Variants in NBPF15 observed in about 807,000 individuals in gnomAD.
The protein encoded by NBPF15 is NBPF member 15.
In NBPF15, 74 loss-of-function variants were observed where a neutral mutation model predicts 62.2. That is an observed-to-expected ratio of 1.19 (90% CI 0.99 to 1.44). The LOEUF is 1.44. NBPF15 is among the 40% of genes most tolerant of loss of function. The pLI is 0.00. For synonymous variants in NBPF15, 244 were observed against 209.7 expected, an observed-to-expected ratio of 1.16 and a Z score of -1.41; for missense variants, 790 against 550.0, an observed-to-expected ratio of 1.44 and a Z score of -4.36.
At chr1:144,423,819 T>G (rs1417677264) in intron 21 of NBPF15, 51 bp downstream of exon 21, 19 of 751,626 alleles carry the variant, frequency 2.5e-5, no homozygotes, top group African/African-American at 5.1e-5. Flanking sequence ...CTGAATCTGT[T>G]GCCTCCAGGT....
chr1:144,435,647 C>G lies in NBPF15; in HGVS notation c.566+134G>C. On this transcript the variant is annotated intron_variant, in intron 11 of 21. Coordinates refer to ENST00000581897, the MANE Select transcript of NBPF15 (RefSeq NM_001385408.1). ...ACAGCTGCCGCACCCTGTGTCTAAG[C>G]TGGGTTATATTTCACATACTGTGGC... 3 of 1,544,328 alleles carry G rather than the reference C, an allele frequency of 1.9e-6. No homozygotes were observed. In the South Asian group the frequency reaches 3.4e-5, roughly 17 times the overall value.
rs2102214830 is a variant in NBPF15, at chr1:144,439,882, T to C, written c.122A>G (p.Lys41Arg). Residue 41 changes from lysine (K) to arginine (R), a missense_variant, in exon 8 of 22, where the codon AAA (lysine) becomes AGA (arginine). By Grantham distance (26) the Lys-to-Arg change is conservative (BLOSUM62 2). Transcript: ENST00000581897. ...GCCGGCCAGTTGAGTTAGAAAACAT[T>C]TCTCTTTGAGGTTTCTGAACTGCTG... Reference protein sequence around the residue: ...KKQQFRNLKEKCFLTQLAGFL... With the variant: ...KKQQFRNLKERCFLTQLAGFL... 3 of 1,611,040 alleles carry C rather than the reference T, an allele frequency of 1.9e-6. No homozygotes were observed. Among genetic ancestry groups the C allele is most frequent in the Non-Finnish European group, 8.5e-7 (1 of 1,179,006 alleles).
At chr1:144,425,088 A>G (rs1368556503) in intron 19 of NBPF15, among the ~76,000 whole-genome samples, 181 of 147,250 alleles carry the variant, frequency 1.2e-3, no homozygotes, top group African/African-American at 4.5e-3. Flanking sequence ...ACACACACAC[A>G]CACACACACA....
At chr1:144,440,354 C>T (rs1681845273) in intron 6 of NBPF15, 59 bp from the exon 7 acceptor site, 2 of 980,092 alleles carry the variant, frequency 2.0e-6, no homozygotes, top group Non-Finnish European at 2.9e-6. Context: ...AGGAGCCCTG[C>T]ATTCCAATTG....
intron 9 of NBPF15, 102 bp from the exon 10 acceptor site, chr1:144,437,211 C>T (rs76733202): frequency 3.2e-5 from 39 of 1,228,824 alleles, no homozygotes; most frequent in Admixed American, 5.1e-5. Flanking sequence ...AAGGAGACCT[C>T]GAAGCAGAAG....
At chr1:144,432,311 C>A (rs9438164) in intron 13 of NBPF15, among the ~76,000 whole-genome samples, 4 of 151,132 alleles carry the variant, frequency 2.6e-5, no homozygotes, top group Non-Finnish European at 5.9e-5. Context: ...AAAGTAAGCA[C>A]TAAACATGGA....
chr1:144,451,899 C>T (rs1472877870), intron 4 of NBPF15, among the ~76,000 whole-genome samples: 2 of 151,828 alleles, frequency 1.3e-5, no homozygotes, highest in African/African-American at 4.9e-5. Context: ...TGTCTGTAAT[C>T]CTAGCACTTT....
At chr1:144,428,117 A>G (rs1426533289) in intron 15 of NBPF15, 127 bp from the exon 16 acceptor site, 2 of 680,206 alleles carry the variant, frequency 2.9e-6, no homozygotes, top group African/African-American at 1.8e-5. Context: ...TAATGAGGTA[A>G]CAAATTATTG....
At chr1:144,440,627 A>G (rs1171960342) in intron 6 of NBPF15, 6 of 178,912 alleles carry the variant, frequency 3.4e-5, no homozygotes, top group African/African-American at 4.8e-5. Context: ...AGAATCATTT[A>G]GTATGTTCTC....
chr1:144,451,273 C>T (rs1230789224), intron 4 of NBPF15, among the ~76,000 whole-genome samples: 2 of 152,006 alleles, frequency 1.3e-5, no homozygotes, highest in African/African-American at 2.4e-5. Context: ...GCATGTCCCA[C>T]CTCCAGTCCT....
At position 144,435,251 on chromosome 1, in the gene NBPF15, C is replaced by G. The variant is rs1194746263; in HGVS notation, c.632G>C (p.Cys211Ser). ...GTCATAAGGGCCATGGCTATTTGAA[C>G]AAGTGATGGCACATTCCTCCAGTGA... The part of the protein sequence containing the change: ...EDSLEECAIT[C>S]SNSHGPYDSN... Residue 211 changes from cysteine (C) to serine (S), a missense_variant, in exon 12 of 22, where the codon TGT (cysteine) becomes TCT (serine). Transcript: ENST00000581897. 4.3e-6 allele frequency: 7 copies of G among 1,612,456 alleles called. No homozygotes were observed. Among genetic ancestry groups the G allele is most frequent in the Admixed American group, 1.7e-5 (1 of 59,944 alleles).
chr1:144,451,783 G>T (rs1193741831), intron 4 of NBPF15, among the ~76,000 whole-genome samples: 2 of 151,416 alleles, frequency 1.3e-5, no homozygotes, highest in Non-Finnish European at 2.9e-5. Context: ...ATTTTTCTTA[G>T]TACAGAACAA....
At chr1:144,436,093 C>T (rs1291547350) in intron 10 of NBPF15, among the ~76,000 whole-genome samples, 1 of 151,876 alleles carries the variant, frequency 6.6e-6, no homozygotes, top group Non-Finnish European at 1.5e-5. Context: ...CTTTTGCTTC[C>T]CATATCACTG....
rs1553541454 is a variant in NBPF15, at chr1:144,437,100, T to TTTA, written c.285_287dup (p.Tyr95_Lys96insAsn). 6.2e-7 allele frequency: 1 copy of TTTA among 1,610,712 alleles called. No homozygotes were observed. Among genetic ancestry groups the TTTA allele is most frequent in the Non-Finnish European group, 8.5e-7 (1 of 1,178,700 alleles). On this transcript the variant is annotated inframe_insertion, in exon 10 of 22. Coordinates refer to ENST00000581897, the MANE Select transcript of NBPF15 (RefSeq NM_001385408.1). ...CTCGTTCCTGAGCGTGAACCAGGAC[T>TTTA]TTATATTGCCTAAGGTGAGACGGTA...
chr1:144,443,466 C>A (rs1424542366), intron 6 of NBPF15, among the ~76,000 whole-genome samples: 1 of 150,862 alleles, frequency 6.6e-6, no homozygotes, highest in Non-Finnish European at 1.5e-5. Flanking sequence ...CATTTTGAAA[C>A]TAGCTTTCAA....
chr1:144,428,989 A>C (rs1672158904), intron 14 of NBPF15, among the ~76,000 whole-genome samples: 2 of 152,034 alleles, frequency 1.3e-5, no homozygotes, highest in African/African-American at 4.8e-5. Flanking sequence ...TTCAATATTA[A>C]GCTTTCTCTC....
Position 144,432,731 on chromosome 1 carries a change from A to G in NBPF15, c.824+1042T>C, listed in dbSNP as rs1328829558. On this transcript the variant is annotated intron_variant, in intron 13 of 21. Coordinates refer to ENST00000581897, the MANE Select transcript of NBPF15 (RefSeq NM_001385408.1). The stretch of plus-strand genomic sequence containing the variant: ...CAAAGAAGGCCACTACATAATGGTA[A>G]AGGGATCAATTCAACAAGAGTTAAC... Among the ~76,000 whole-genome samples the G allele has an allele frequency of 3.3e-5, 5 of 152,084 alleles. No homozygotes were observed. In the East Asian group the frequency reaches 9.6e-4, roughly 29 times the overall value.
intron 16 of NBPF15, 88 bp downstream of exon 16, chr1:144,427,730 C>A (rs1256312315): frequency 6.6e-6 from 4 of 603,952 alleles, no homozygotes; most frequent in Non-Finnish European, 1.2e-5. Flanking sequence ...TGACATCTCT[C>A]AGCTCAGTAA....
At chr1:144,445,475 A>T (rs1334759380) in intron 6 of NBPF15, among the ~76,000 whole-genome samples, 1 of 147,754 alleles carries the variant, frequency 6.8e-6, no homozygotes, top group East Asian at 2.0e-4. Flanking sequence ...TCTTCCACTG[A>T]TATATATTCC....
Sources: gnomAD v4.1 joint callset for allele counts (sites outside exome capture counted in the v4.1 genomes callset) on GRCh38, gnomAD v4.1.1 for gene constraint, MANE v1.5 for transcripts, NCBI Gene and HGNC (gene_info 2026-07-23, HGNC 2026-07-21) for gene names.